The following IL2RB variants were observed in gnomAD, a reference collection of about 807,000 sequenced individuals.
IL2RB encodes the protein interleukin-2 receptor subunit beta.
Under a neutral mutation model 44.2 loss-of-function variants are expected in IL2RB, and 17 were observed. The observed-to-expected ratio is 0.38, with a 90% confidence interval of 0.26 to 0.58. The LOEUF is 0.58. Ranked by LOEUF, IL2RB falls within the 20% of genes least tolerant of loss-of-function variation. IL2RB has a pLI of 0.63. For synonymous variants in IL2RB, 286 were observed against 297.9 expected, an observed-to-expected ratio of 0.96 and a Z score of 0.41; for missense variants, 624 against 685.5, an observed-to-expected ratio of 0.91 and a Z score of 1.00.
upstream of IL2RB, among the ~76,000 whole-genome samples, chr22:37,152,744 GCT>G (rs975472841): frequency 1.3e-5 from 2 of 151,872 alleles, no homozygotes; most frequent in African/African-American, 4.8e-5. Flanking sequence ...TCAGCTCAGG[GCT>G]CTTTTTTTTA....
Position 37,139,119 on chromosome 22 carries a change from T to G in IL2RB, c.386A>C (p.Asn129Thr). Residue 129 changes from asparagine (N) to threonine (T), a missense_variant and splice_region_variant, in exon 5 of 10, where the codon AAC (asparagine) becomes ACC (threonine). Physicochemically the swap from Asn to Thr is moderately conservative, Grantham distance 65 (BLOSUM62 0). This residue lies in a region of IL2RB where 255 missense variants were observed against 339.9 expected (regional missense o/e 0.75). Transcript: ENST00000216223. ...MAIQDFKPFE[N>T]LRLMAPISLQ... ...CCCACCCTGGCTTCCTCACTCACGG[T>G]TCTCAAAGGGCTTGAAGTCCTGGAT... 1 of 1,606,502 alleles carries G rather than the reference T, an allele frequency of 6.2e-7. No homozygotes were observed. The highest frequency in any genetic ancestry group is 8.5e-7 in the Non-Finnish European group (1 of 1,173,142).
At chr22:37,147,037 G>A (rs908841361) in intron 1 of IL2RB, among the ~76,000 whole-genome samples, 3 of 152,172 alleles carry the variant, frequency 2.0e-5, no homozygotes, top group Non-Finnish European at 4.4e-5. Context: ...GAACACTGAG[G>A]TCCCGAAGTG....
chr22:37,163,099 C>G (rs1200221320), intron 1 of IL2RB, among the ~76,000 whole-genome samples: 1 of 152,164 alleles, frequency 6.6e-6, no homozygotes, highest in African/African-American at 2.4e-5. Context: ...TGCTCTGGAG[C>G]TACAGACCGC....
Position 37,132,376 on chromosome 22 carries a change from C to T in IL2RB, c.903+8G>A. ...GCCCACCTCTGTCTCCCCGCCCCGGCCTCCTACCTGGACGTCTCCTCCATG... is the reference window on the plus strand; with the variant it reads ...GCCCACCTCTGTCTCCCCGCCCCGGTCTCCTACCTGGACGTCTCCTCCATG... On this transcript the variant is annotated splice_region_variant and intron_variant, in intron 9 of 9. Transcript: ENST00000216223. 1.9e-6 allele frequency: 3 copies of T among 1,612,926 alleles called. No homozygotes were observed. The highest frequency in any genetic ancestry group is 1.3e-5 in the African/African-American group (1 of 74,998).
At chr22:37,165,879 C>T (rs1038861260) in intron 1 of IL2RB, among the ~76,000 whole-genome samples, 3 of 152,128 alleles carry the variant, frequency 2.0e-5, no homozygotes, top group African/African-American at 7.2e-5. Context: ...CAACTCCCCT[C>T]TACAGCATCT....
At chr22:37,130,407 A>G (rs1181891049) in intron 9 of IL2RB, among the ~76,000 whole-genome samples, 2 of 152,110 alleles carry the variant, frequency 1.3e-5, no homozygotes, top group Admixed American at 1.3e-4. Flanking sequence ...CACGCCCCTC[A>G]CACATACTCC....
chr22:37,150,224 C>A (rs1394856517), upstream of IL2RB, among the ~76,000 whole-genome samples: 2 of 152,054 alleles, frequency 1.3e-5, no homozygotes, highest in South Asian at 4.1e-4. Context: ...CCCACGCCAA[C>A]TCACACAGGC....
At chr22:37,139,059 G>A in intron 5 of IL2RB, 58 bp downstream of exon 5, 2 of 1,102,626 alleles carry the variant, frequency 1.8e-6, no homozygotes, top group South Asian at 1.3e-5. Flanking sequence ...TCCCAGAGGA[G>A]GTGGAAGGAA....
Position 37,137,706 on chromosome 22 carries a change from C to A in IL2RB, c.418G>T (p.Val140Phe). 6.2e-7 allele frequency: 1 copy of A among 1,614,106 alleles called. No homozygotes were observed. The highest frequency in any genetic ancestry group is 8.5e-7 in the Non-Finnish European group (1 of 1,179,994). Reference protein sequence around the residue: ...LRLMAPISLQVVHVETHRCNI... With the variant: ...LRLMAPISLQFVHVETHRCNI... ...CATCTGTGGGTCTCCACGTGGACAA[C>A]TTGGAGGGAGATGGGGGCCATCAGG... The change falls in exon 6 of 10, where the codon GTT becomes TTT. Residue 140 changes from valine to phenylalanine, a missense_variant. Val to Phe is a conservative substitution (Grantham distance 50, BLOSUM62 -1). This residue lies in a region of IL2RB where 255 missense variants were observed against 339.9 expected (regional missense o/e 0.75). Transcript: ENST00000216223.
At chr22:37,131,736 G>A (rs1049009006) in intron 9 of IL2RB, among the ~76,000 whole-genome samples, 8 of 151,728 alleles carry the variant, frequency 5.3e-5, no homozygotes, top group African/African-American at 1.7e-4. Flanking sequence ...ACCAGATAGG[G>A]TACTTTTTTT....
chr22:37,171,022 T>C (rs1440727966), intron 1 of IL2RB, among the ~76,000 whole-genome samples: 1 of 151,980 alleles, frequency 6.6e-6, no homozygotes, highest in Non-Finnish European at 1.5e-5. Context: ...CTCGCTCTGT[T>C]GCCCAGGCTG....
At chr22:37,173,575 A>G (rs911554215) in intron 1 of IL2RB, among the ~76,000 whole-genome samples, 5 of 152,240 alleles carry the variant, frequency 3.3e-5, no homozygotes, top group Non-Finnish European at 7.3e-5. Context: ...CCAGTATTTT[A>G]CATATACTTA....
At chr22:37,135,530 AG>A (rs1921645386) in intron 7 of IL2RB, 88 bp from the exon 8 acceptor site, 1 of 780,466 alleles carries the variant, frequency 1.3e-6, no homozygotes. Flanking sequence ...ACCCCCATCC[AG>A]GGCCCTGCCA....
chr22:37,173,244 T>G (rs1051413753), intron 1 of IL2RB, among the ~76,000 whole-genome samples: 3 of 152,036 alleles, frequency 2.0e-5, no homozygotes, highest in Admixed American at 6.5e-5. Context: ...CCAAATTTGC[T>G]TCTCCCTTGC....
chr22:37,163,462 G>A (rs997044994), intron 1 of IL2RB, among the ~76,000 whole-genome samples: 1 of 152,216 alleles, frequency 6.6e-6, no homozygotes, highest in Non-Finnish European at 1.5e-5. Flanking sequence ...GCTTCTAGAA[G>A]CAGGAGGCCT....
chr22:37,169,259 A>G (rs1486210295), intron 1 of IL2RB, among the ~76,000 whole-genome samples: 1 of 145,220 alleles, frequency 6.9e-6, no homozygotes, highest in East Asian at 2.0e-4. Context: ...GGTTCTGTTT[A>G]CAGAGGGGTT....
At chr22:37,154,389 C>T (rs187162015), upstream of IL2RB, among the ~76,000 whole-genome samples, 73 of 152,218 alleles carry the variant, frequency 4.8e-4, no homozygotes, top group Middle Eastern at 0.014. Context: ...CAGGCCATGG[C>T]GTGCACCCTC....
intron 3 of IL2RB, 58 bp from the exon 4 acceptor site, chr22:37,142,570 A>G (rs776787784): frequency 6.5e-7 from 1 of 1,539,060 alleles, no homozygotes. Flanking sequence ...AGCTGGCCCA[A>G]GGGACTCTTC....
At chr22:37,165,815 G>A (rs1452486407) in intron 1 of IL2RB, among the ~76,000 whole-genome samples, 1 of 152,102 alleles carries the variant, frequency 6.6e-6, no homozygotes, top group Non-Finnish European at 1.5e-5. Context: ...CACAGGTGCA[G>A]ACCGGCCTAA....
Sources: gnomAD v4.1 joint callset for allele counts (sites outside exome capture counted in the v4.1 genomes callset) on GRCh38, gnomAD v4.1.1 for gene constraint, gnomAD v4.1.1 regional missense constraint, MANE v1.5 for transcripts, NCBI Gene and HGNC (gene_info 2026-07-23, HGNC 2026-07-21) for gene names.